The following VWF variants were observed in gnomAD, a reference collection of about 807,000 sequenced individuals.
VWF encodes von Willebrand factor, also known as Factor VIII related antigen.
Under a neutral mutation model 308.6 loss-of-function variants are expected in VWF, and 176 were observed. The ratio of observed to expected loss-of-function variants is 0.57; its 90% CI spans 0.50 to 0.65. The LOEUF is 0.65. Among genes scored for constraint, VWF ranks in the 30% least tolerant of loss-of-function variants. The probability of loss-of-function intolerance (pLI) is 0.00; values close to 1 mark genes in which losing one functional copy is unlikely to be tolerated. For missense variants in VWF, 3,146 were observed against 3,648.2 expected, an observed-to-expected ratio of 0.86 and a Z score of 3.55; for synonymous variants, 1,385 against 1,443.4, an observed-to-expected ratio of 0.96 and a Z score of 0.92.
At chr12:5,999,259 C>A (rs1488342430) in intron 34 of VWF, among the ~76,000 whole-genome samples, 2 of 152,094 alleles carry the variant, frequency 1.3e-5, no homozygotes, top group African/African-American at 4.8e-5. Flanking sequence ...TTTGAAGTAT[C>A]CCAACAGACC....
intron 6 of VWF, among the ~76,000 whole-genome samples, chr12:6,077,983 A>G (rs539112823): frequency 2.6e-5 from 4 of 152,332 alleles, no homozygotes; most frequent in African/African-American, 7.2e-5. Flanking sequence ...GGACAAGACT[A>G]GTGAAGACTG....
intron 12 of VWF, 136 bp downstream of exon 12, chr12:6,064,110 T>C: frequency 7.0e-7 from 1 of 1,438,686 alleles, no homozygotes; most frequent in Non-Finnish European, 9.6e-7. Context: ...CACCCTGCCC[T>C]CCAAAAATAA....
At chr12:6,096,095 G>GGATGGATGGATA (rs1290381824) in intron 5 of VWF, 17 of 170,886 alleles carry the variant, frequency 9.9e-5, no homozygotes, top group African/African-American at 4.2e-4. Context: ...GACTGAAGAA[G>GGATGGATGGATA]GATGGATGGA....
At chr12:6,088,943 G>A (rs1945003083) in intron 6 of VWF, among the ~76,000 whole-genome samples, 7 of 152,208 alleles carry the variant, frequency 4.6e-5, no homozygotes, top group Admixed American at 4.6e-4. Context: ...AATATGACCT[G>A]GCTCTCAGAA....
Position 6,063,158 on chromosome 12 carries a change from C to G in VWF, c.1433-104G>C. On this transcript the variant is annotated intron_variant, in intron 12 of 51. Coordinates refer to ENST00000261405, the MANE Select transcript of VWF (RefSeq NM_000552.5). The surrounding 1 kb of genome is among the most constrained non-coding windows in gnomAD (Gnocchi z 4.9). Reference sequence around the variant, plus strand: ...ATGGGGTGTCTCAAAAGGATGGTAGCACTGAAGAGCAATGACTTAGGGGCA... The same window carrying G: ...ATGGGGTGTCTCAAAAGGATGGTAGGACTGAAGAGCAATGACTTAGGGGCA... 1 of 925,528 alleles carries G rather than the reference C, an allele frequency of 1.1e-6. No individual in the cohort carries two copies. Among genetic ancestry groups the G allele is most frequent in the South Asian group, 1.4e-5 (1 of 71,770 alleles). The allele number at this position is 925,528 out of a possible 1,614,324, so 57.3% of individuals were successfully genotyped here.
At chr12:6,092,614 T>TGAGTGAGTGAGTGAGAGAGAGA (rs71064187) in intron 6 of VWF, among the ~76,000 whole-genome samples, 6 of 86,056 alleles carry the variant, frequency 7.0e-5, no homozygotes, top group African/African-American at 3.5e-4. Flanking sequence ...AGTGAGTGAG[T>TGAGTGAGTGAGTGAGAGAGAGA]GAGAGTGTGT....
chr12:6,024,424 T>G lies in VWF; in HGVS notation c.3223-637A>C, dbSNP rs1418792010. Among the ~76,000 whole-genome samples the G allele has an allele frequency of 6.6e-6, 1 of 152,204 alleles. No individual in the cohort carries two copies. The highest frequency in any genetic ancestry group is 1.9e-4 in the East Asian group (1 of 5,198). On this transcript the variant is annotated intron_variant, in intron 24 of 51. Coordinates refer to ENST00000261405, the MANE Select transcript of VWF (RefSeq NM_000552.5). The surrounding 1 kb of genome is among the most constrained non-coding windows in gnomAD (Gnocchi z 4.0). ...TGAGTGGGTCATTGTTTCCAAGACG[T>G]TCCAACAGTCTCAATGTCCCCAACT... is the stretch of plus-strand genomic sequence containing the variant.
intron 6 of VWF, among the ~76,000 whole-genome samples, chr12:6,081,949 G>A (rs536539026): frequency 5.9e-5 from 9 of 151,884 alleles, no homozygotes; most frequent in East Asian, 3.9e-4. Context: ...GGAATTTATC[G>A]TTCTTTTTAT....
chr12:6,123,385 G>A (rs1945452598), intron 1 of VWF, among the ~76,000 whole-genome samples, 189 bp from the exon 2 acceptor site: 3 of 152,200 alleles, frequency 2.0e-5, no homozygotes, highest in Admixed American at 2.0e-4. Flanking sequence ...GCCAGTGCCA[G>A]GCCCAAGGGT....
intron 51 of VWF, 69 bp downstream of exon 51, chr12:5,949,717 T>A (rs1943157642): frequency 6.9e-7 from 1 of 1,448,402 alleles, no homozygotes; most frequent in African/African-American, 1.4e-5. Context: ...AGAATGTAAC[T>A]AAGGATAGGT....
chr12:5,957,576 C>T (rs1277984710), intron 47 of VWF, among the ~76,000 whole-genome samples: 2 of 150,494 alleles, frequency 1.3e-5, no homozygotes, highest in Admixed American at 6.6e-5. Flanking sequence ...GCTGACTGGT[C>T]ATCAGAAATA....
intron 38 of VWF, among the ~76,000 whole-genome samples, chr12:5,986,197 A>G (rs1943678509): frequency 6.6e-6 from 1 of 152,200 alleles, no homozygotes; most frequent in Non-Finnish European, 1.5e-5. Flanking sequence ...TCTCGAAGGT[A>G]CACACAGCCC....
At chr12:6,044,497 G>C (rs746381806) in intron 17 of VWF, 46 bp from the exon 18 acceptor site, 3 of 1,596,132 alleles carry the variant, frequency 1.9e-6, no homozygotes, top group Non-Finnish European at 2.6e-6. Flanking sequence ...AGGAGAGAAT[G>C]GACCTACCTT....
rs1565828886 is a variant in VWF at position 6,012,705 on chromosome 12, T to TGTA, written c.5621-576_5621-575insTAC. 2.8e-4 allele frequency among the ~76,000 whole-genome samples: 32 copies of TGTA among 113,232 alleles called. No homozygotes were observed. The South Asian group carries it at 5.0e-3, about 18-fold the overall frequency. The allele number at this position is 113,232 out of a possible 152,430, so 74.3% of individuals were successfully genotyped here. On this transcript the variant is annotated intron_variant, in intron 32 of 51. Transcript: ENST00000261405. ...AGCGTGTGTGTGTGTGTGTGTGTAT[T>TGTA]TTTTTTTTTTTTTTGAGATGGAGTC... is the stretch of plus-strand genomic sequence containing the variant.
intron 48 of VWF, 115 bp from the exon 49 acceptor site, chr12:5,952,634 A>C (rs1943204826): frequency 4.2e-6 from 6 of 1,412,070 alleles, no homozygotes; most frequent in Non-Finnish European, 5.8e-6. Context: ...ACCATGAAAC[A>C]AGAAGACAGT....
chr12:5,965,332 G>A (rs189851072), intron 47 of VWF, among the ~76,000 whole-genome samples: 29 of 152,150 alleles, frequency 1.9e-4, no homozygotes, highest in African/African-American at 5.8e-4. Flanking sequence ...TCGACGGCTC[G>A]CAGCCCTTCC....
Position 5,995,991 on chromosome 12 carries a change from G to C in VWF, c.6063+11C>G. The C allele has an allele frequency of 6.2e-7, 1 of 1,611,520 alleles. No individual in the cohort carries two copies. Among genetic ancestry groups the C allele is most frequent in the Non-Finnish European group, 8.5e-7 (1 of 1,179,506 alleles). ...TTGCCTTACCACGGATCCACAGAAA[G>C]TACTTCTCACCTCCATGTCACTGTG... On this transcript the variant is annotated intron_variant, in intron 35 of 51. Coordinates refer to ENST00000261405, the MANE Select transcript of VWF (RefSeq NM_000552.5).
intron 44 of VWF, 80 bp downstream of exon 44, chr12:5,971,519 T>G: frequency 1.5e-4 from 166 of 1,122,564 alleles, no homozygotes; most frequent in Middle Eastern, 2.6e-4. Flanking sequence ...GGGCAGGGAA[T>G]GAGATGAAAC....
Position 6,023,671 on chromosome 12 carries a change from C to G in VWF, c.3339G>C (p.Gln1113His), listed in dbSNP as rs543974370. Residue 1113 changes from glutamine (Q) to histidine (H), a missense_variant, in exon 25 of 52, where the codon CAG (glutamine) becomes CAC (histidine). By Grantham distance (24) the Gln-to-His change is conservative (BLOSUM62 0). Around this residue, in one of 3 missense-constraint regions of VWF, gnomAD observed 853 missense variants for 1,177.8 expected, o/e 0.72. Transcript: ENST00000261405. Reference protein sequence around the residue: ...TIAAYAHVCAQHGKVVTWRTA... With the variant: ...TIAAYAHVCAHHGKVVTWRTA... ...TCCTCCAGGTCACCACCTTGCCATG[C>G]TGGGCACACACGTGGGCATAGGCAG... 6.2e-7 allele frequency: 1 copy of G among 1,613,920 alleles called. No homozygotes were observed. The highest frequency in any genetic ancestry group is 1.7e-5 in the Admixed American group (1 of 60,028).
Sources: allele counts gnomAD v4.1 joint callset (sites outside exome capture counted in the v4.1 genomes callset), GRCh38; gene constraint gnomAD v4.1.1; regional missense constraint gnomAD v4.1.1; non-coding constraint Gnocchi (gnomAD v3.1); transcripts MANE v1.5; gene names NCBI Gene and HGNC (gene_info 2026-07-23, HGNC 2026-07-21).